Variants in LAMA1 observed in about 807,000 individuals in gnomAD.
LAMA1 encodes laminin subunit alpha-1.
A neutral mutation model predicts 348.7 loss-of-function variants in LAMA1; 219 were observed. The observed-to-expected ratio is 0.63, with a 90% CI of 0.56 to 0.70. The LOEUF (loss-of-function observed/expected upper bound fraction) is 0.70. Ranked by LOEUF, LAMA1 falls within the 30% of genes least tolerant of loss-of-function variation. LAMA1 has a pLI of 0.00. For missense variants in LAMA1, 3,744 were observed against 3,888.0 expected, an observed-to-expected ratio of 0.96 and a Z score of 0.99; for synonymous variants, 1,487 against 1,491.0, an observed-to-expected ratio of 1.00 and a Z score of 0.06.
intron 52 of LAMA1, 68 bp from the exon 53 acceptor site, chr18:6,961,827 C>G (rs1371284214): frequency 5.7e-6 from 9 of 1,588,106 alleles, no homozygotes; most frequent in Non-Finnish European, 7.8e-6. Flanking sequence ...GTGGGGAGGA[C>G]ACTGCTGATT....
chr18:6,955,258 A>C, intron 57 of LAMA1, 95 bp downstream of exon 57: 1 of 959,996 alleles, frequency 1.0e-6, no homozygotes, highest in Non-Finnish European at 1.6e-6. Context: ...TCATAAAATA[A>C]AAGCAGGTTC....
intron 58 of LAMA1, 62 bp from the exon 59 acceptor site, chr18:6,949,321 A>G (rs999162109): frequency 5.4e-6 from 8 of 1,493,224 alleles, no homozygotes; most frequent in African/African-American, 1.4e-5. Context: ...TAACAGATGT[A>G]TAAACTTTAA....
rs902213460 is a variant in LAMA1 at position 6,965,205 on chromosome 18, T to C, written c.7195+83A>G. The C allele has an allele frequency of 9.7e-6, 15 of 1,545,678 alleles. No homozygotes were observed. In the African/African-American group the frequency reaches 1.7e-4, roughly 17 times the overall value. On this transcript the variant is annotated intron_variant, in intron 50 of 62. Coordinates refer to ENST00000389658, the MANE Select transcript of LAMA1 (RefSeq NM_005559.4). Reference sequence around the variant, plus strand: ...TCATTCAATACCCAGGAAACTACTGTGGAAAAAAAGAATGCTGATTTTGAA... The same window carrying C: ...TCATTCAATACCCAGGAAACTACTGCGGAAAAAAAGAATGCTGATTTTGAA...
At chr18:7,003,463 T>G (rs1490789115) in intron 29 of LAMA1, among the ~76,000 whole-genome samples, 1 of 152,142 alleles carries the variant, frequency 6.6e-6, no homozygotes, top group African/African-American at 2.4e-5. Context: ...TTTCACTGTG[T>G]TAGCCAGGAT....
Position 6,949,162 on chromosome 18 carries a change from A to G in LAMA1, c.8495T>C (p.Val2832Ala). The G allele has an allele frequency of 6.2e-7, 1 of 1,614,184 alleles. No homozygotes were observed. The highest frequency in any genetic ancestry group is 8.5e-7 in the Non-Finnish European group (1 of 1,180,012). Residue 2832 changes from valine to alanine, a missense_variant, in exon 59 of 63, where the codon GTG becomes GCG. Val to Ala is a moderately conservative substitution (Grantham distance 64, BLOSUM62 0). Around this residue, in one of 3 missense-constraint regions of LAMA1, gnomAD observed 1,983 missense variants for 1,934.3 expected, o/e 1.03. Transcript: ENST00000389658. Reference sequence around the variant, plus strand: ...GCCTCCTAGGTAGAACAAACCCTCCACATCCAGCATGGTTCCATCTCCCAC... The same window carrying G: ...GCCTCCTAGGTAGAACAAACCCTCCGCATCCAGCATGGTTCCATCTCCCAC... Reference protein sequence around the residue: ...TVVGDGTMLDVEGLFYLGGLP... With the variant: ...TVVGDGTMLDAEGLFYLGGLP...
At chr18:7,085,304 T>C (rs1035145373) in intron 1 of LAMA1, among the ~76,000 whole-genome samples, 1 of 152,020 alleles carries the variant, frequency 6.6e-6, no homozygotes, top group African/African-American at 2.4e-5. Flanking sequence ...AAAGTAGGAA[T>C]TTAAGTTTCT....
intron 39 of LAMA1, among the ~76,000 whole-genome samples, chr18:6,983,875 A>T (rs1390474469): frequency 1.3e-5 from 2 of 152,158 alleles, no homozygotes; most frequent in African/African-American, 4.8e-5. Context: ...CTGCTGAGTA[A>T]CTCACTTCAT....
At chr18:7,026,222 A>T (rs2057942499) in intron 16 of LAMA1, 116 bp from the exon 17 acceptor site, 1 of 1,274,764 alleles carries the variant, frequency 7.8e-7, no homozygotes, top group Non-Finnish European at 1.1e-6. Flanking sequence ...AAAACCAGTC[A>T]CCAACCTCTG....
At chr18:7,011,231 G>A (rs1600391720) in intron 25 of LAMA1, 69 bp downstream of exon 25, 2 of 1,522,872 alleles carry the variant, frequency 1.3e-6, no homozygotes, top group South Asian at 2.4e-5. Context: ...CCCAGACTAT[G>A]GTGATTTTAA....
intron 12 of LAMA1, among the ~76,000 whole-genome samples, chr18:7,036,543 C>A (rs1268149434): frequency 1.3e-5 from 2 of 152,006 alleles, no homozygotes; most frequent in African/African-American, 4.8e-5. Flanking sequence ...GATTAGATGT[C>A]CTTCAATATA....
At position 7,023,371 on chromosome 18, in the gene LAMA1, C is replaced by T. The variant is rs751117878; in HGVS notation, c.2494G>A (p.Ala832Thr). 4.3e-6 allele frequency: 7 copies of T among 1,613,812 alleles called. No individual in the cohort carries two copies. The highest frequency in any genetic ancestry group is 1.7e-5 in the Admixed American group (1 of 60,008). ...GYSGAWCERC[A>T]DGYYGNPTVP... is the part of the protein sequence containing the mutation. ...GTTGGGTTTCCATAGTAACCATCTG[C>T]ACATCTGTATCAAAGATTGAAAGTG... The change falls in exon 19 of 63, where the codon GCA becomes ACA. Residue 832 changes from alanine to threonine, a missense_variant. This residue lies in a region of LAMA1 where 1,529 missense variants were observed against 1,689.4 expected (regional missense o/e 0.91). Transcript: ENST00000389658.
At chr18:6,960,591 C>T (rs1384507490) in intron 53 of LAMA1, 1 of 149,232 alleles carries the variant, frequency 6.7e-6, no homozygotes, top group Non-Finnish European at 1.5e-5. Context: ...AAGGTGGCCT[C>T]GTAACATTGT....
chr18:7,035,516 G>A (rs2057990567), intron 13 of LAMA1, among the ~76,000 whole-genome samples: 1 of 151,784 alleles, frequency 6.6e-6, no homozygotes, highest in African/African-American at 2.4e-5. Flanking sequence ...TTGAACTCCT[G>A]GGCTCAAGCC....
At position 7,034,476 on chromosome 18, in the gene LAMA1, T is replaced by C; in HGVS notation, c.2051+3A>G. ...AAGTTTTTCCTCCATTTTCAATACATACCTGTAAAGAGCCATTTTTGCAGA... is the reference window on the plus strand; with the variant it reads ...AAGTTTTTCCTCCATTTTCAATACACACCTGTAAAGAGCCATTTTTGCAGA... On this transcript the variant is annotated splice_donor_region_variant and intron_variant, in intron 14 of 62. Transcript: ENST00000389658. 1.9e-6 allele frequency: 3 copies of C among 1,612,012 alleles called. No homozygotes were observed. Among genetic ancestry groups the C allele is most frequent in the Non-Finnish European group, 2.5e-6 (3 of 1,178,114 alleles).
intron 29 of LAMA1, among the ~76,000 whole-genome samples, chr18:7,004,667 A>G (rs988605135): frequency 6.6e-5 from 10 of 152,176 alleles, no homozygotes; most frequent in African/African-American, 2.4e-4. Flanking sequence ...CATTTTTATG[A>G]TAACACCAAA....
chr18:7,014,466 C>CA (rs1447104977), intron 22 of LAMA1, among the ~76,000 whole-genome samples: 1 of 151,922 alleles, frequency 6.6e-6, no homozygotes, highest in Non-Finnish European at 1.5e-5. Context: ...TACAAATAAT[C>CA]AAAAAATTAG....
chr18:6,958,415 T>G, intron 55 of LAMA1, 62 bp downstream of exon 55: 1 of 1,535,908 alleles, frequency 6.5e-7, no homozygotes. Flanking sequence ...TTCAGATTAG[T>G]GTTAGCACTC....
At position 6,979,121 on chromosome 18, in the gene LAMA1, G is replaced by A. The variant is rs2057696726; in HGVS notation, c.6008-743C>T. On this transcript the variant is annotated intron_variant, in intron 42 of 62. Coordinates refer to ENST00000389658, the MANE Select transcript of LAMA1 (RefSeq NM_005559.4). ...TTTCCTGAAACTTTTCTGTAGGCTC[G>A]AAATTATTTTCAAATAAAAACGTTA... Among the ~76,000 whole-genome samples, 4 of 151,700 alleles carry A rather than the reference G, an allele frequency of 2.6e-5. No homozygotes were observed. The South Asian group carries it at 6.2e-4, about 24-fold the overall frequency.
intron 5 of LAMA1, among the ~76,000 whole-genome samples, chr18:7,047,511 C>T (rs766722296): frequency 6.6e-5 from 10 of 152,140 alleles, no homozygotes; most frequent in Non-Finnish European, 1.5e-4. Context: ...TAAAATTCTT[C>T]ACAAATTGGT....
Sources: allele counts gnomAD v4.1 joint callset (sites outside exome capture counted in the v4.1 genomes callset), GRCh38; gene constraint gnomAD v4.1.1; regional missense constraint gnomAD v4.1.1; transcripts MANE v1.5; gene names NCBI Gene and HGNC (gene_info 2026-07-23, HGNC 2026-07-21).